Variants in ADAMTSL3 observed in about 807,000 individuals in gnomAD.
The protein encoded by ADAMTSL3 is ADAMTS like 3.
ADAMTSL3 carries 128 observed loss-of-function variants against 201.7 expected under a neutral mutation model. The ratio of observed to expected loss-of-function variants is 0.63; its 90% CI spans 0.55 to 0.73. The LOEUF (loss-of-function observed/expected upper bound fraction) is 0.73, where lower values mean the gene tolerates loss of function less well. ADAMTSL3 is among the 30% of genes least tolerant of loss of function. The pLI is 0.00. For missense variants in ADAMTSL3, 1,990 were observed against 2,119.6 expected (o/e 0.94, Z 1.20); for synonymous variants, 738 against 748.4 (o/e 0.99, Z 0.23).
intron 5 of ADAMTSL3, among the ~76,000 whole-genome samples, chr15:83,819,165 G>A (rs183635880): frequency 2.1e-4 from 32 of 148,952 alleles, no homozygotes; most frequent in African/African-American, 7.8e-4. Flanking sequence ...AGCTACTCAG[G>A]GGGGCTGAAG....
chr15:83,668,871 C>T (rs1033902025), intron 2 of ADAMTSL3, among the ~76,000 whole-genome samples: 1 of 152,120 alleles, frequency 6.6e-6, no homozygotes, highest in Non-Finnish European at 1.5e-5. Flanking sequence ...AAGAGACTAA[C>T]CAGAACATAT....
At position 83,655,747 on chromosome 15, in the gene ADAMTSL3, A is replaced by C; in HGVS notation, c.-15A>C. 1 of 1,613,846 alleles carries C rather than the reference A, an allele frequency of 6.2e-7. No individual in the cohort carries two copies. Among genetic ancestry groups the C allele is most frequent in the Non-Finnish European group, 8.5e-7 (1 of 1,179,800 alleles). ...TTTGTAGGCTACAACTGAGACCCGG[A>C]GGAGACTAGACCCCATGGCTTCCTG... On this transcript the variant is annotated 5_prime_UTR_variant, in exon 2 of 30. Coordinates refer to ENST00000286744, the MANE Select transcript of ADAMTSL3 (RefSeq NM_207517.3).
At chr15:83,685,550 G>T (rs895888230) in intron 2 of ADAMTSL3, among the ~76,000 whole-genome samples, 1 of 152,176 alleles carries the variant, frequency 6.6e-6, no homozygotes, top group East Asian at 1.9e-4. Flanking sequence ...ATGCCACAAA[G>T]ATTTCCTCTT....
In ADAMTSL3 at chr15:83,943,018, C is replaced by T. The variant is rs370505336; in HGVS notation, c.2426C>T (p.Ser809Leu). Residue 809 changes from serine (S) to leucine (L), a missense_variant, in exon 19 of 30, where the codon TCG becomes TTG. Physicochemically the swap from Ser to Leu is moderately radical, Grantham distance 145. Transcript: ENST00000286744. The part of the protein sequence containing the change: ...SDELCQGPKA[S>L]SHKSCARTDC... ...GAATTGTGCCAAGGACCCAAGGCAT[C>T]GTCTCACAAGTCCTGTGCCAGGACA... The T allele has an allele frequency of 1.4e-5, 23 of 1,613,996 alleles. No homozygotes were observed. Among genetic ancestry groups the T allele is most frequent in the African/African-American group, 6.7e-5 (5 of 74,936 alleles).
At chr15:83,899,546 G>C in intron 14 of ADAMTSL3, 101 bp from the exon 15 acceptor site, 1 of 1,166,752 alleles carries the variant, frequency 8.6e-7, no homozygotes, top group Non-Finnish European at 1.2e-6. Flanking sequence ...TGAAAAACAT[G>C]ACCTCTTTAT....
At chr15:83,756,326 G>A (rs73437226) in intron 3 of ADAMTSL3, among the ~76,000 whole-genome samples, 36 of 152,276 alleles carry the variant, frequency 2.4e-4, no homozygotes, top group African/African-American at 7.7e-4. Context: ...ACATGTCTGG[G>A]GAGGCCTCAT....
chr15:83,969,624 T>A (rs2067155652), intron 19 of ADAMTSL3, among the ~76,000 whole-genome samples: 1 of 152,144 alleles, frequency 6.6e-6, no homozygotes, highest in Admixed American at 6.5e-5. Context: ...AATAAGCCAG[T>A]TAGGGAAAAA....
intron 8 of ADAMTSL3, among the ~76,000 whole-genome samples, chr15:83,870,014 G>A (rs2065052607): frequency 6.6e-6 from 1 of 152,174 alleles, no homozygotes; most frequent in Admixed American, 6.6e-5. Flanking sequence ...AGAAAAGAAA[G>A]AGGGAGGAAA....
At chr15:83,679,789 A>G (rs1409531296) in intron 2 of ADAMTSL3, among the ~76,000 whole-genome samples, 1 of 152,198 alleles carries the variant, frequency 6.6e-6, no homozygotes, top group East Asian at 1.9e-4. Context: ...GGAGAGGAGC[A>G]CCGCCTGCCA....
At chr15:83,772,637 A>G (rs1053572645) in intron 3 of ADAMTSL3, among the ~76,000 whole-genome samples, 5 of 151,784 alleles carry the variant, frequency 3.3e-5, no homozygotes, top group East Asian at 1.9e-4. Flanking sequence ...TCCTTATGCA[A>G]GGTTTCTTGG....
chr15:83,899,730 A>G lies in ADAMTSL3; in HGVS notation c.1699A>G (p.Thr567Ala). 1 of 1,610,390 alleles carries G rather than the reference A, an allele frequency of 6.2e-7. No homozygotes were observed. Among genetic ancestry groups the G allele is most frequent in the Non-Finnish European group, 8.5e-7 (1 of 1,177,766 alleles). ...GACCAGAATAGCAACAGAAGAACCA[A>G]CGTGAGTCCAGGACCTTTTGTAGGA... is the stretch of plus-strand genomic sequence containing the variant. The part of the protein sequence containing the change: ...EETRIATEEP[T>A]FIPEPWSACS... The change falls in exon 15 of 30, where the codon ACG (threonine) becomes GCG (alanine). Residue 567 changes from threonine (T) to alanine (A), a missense_variant and splice_region_variant. Physicochemically the swap from Thr to Ala is moderately conservative, Grantham distance 58. Transcript: ENST00000286744.
At chr15:83,732,376 A>G (rs1183177680) in intron 3 of ADAMTSL3, among the ~76,000 whole-genome samples, 2 of 152,124 alleles carry the variant, frequency 1.3e-5, no homozygotes, top group African/African-American at 4.8e-5. Context: ...ATTCTGTCAG[A>G]TAAGTGAGTC....
chr15:83,801,667 T>TAAATATAAATATAA (rs1567154117), intron 4 of ADAMTSL3, among the ~76,000 whole-genome samples: 1 of 61,546 alleles, frequency 1.6e-5, no homozygotes, highest in African/African-American at 4.9e-5. Flanking sequence ...TATATATATA[T>TAAATATAAATATAA]ATATATATAT....
Position 83,892,487 on chromosome 15 carries a change from G to A in ADAMTSL3, c.1263-197G>A, listed in dbSNP as rs188027261. On this transcript the variant is annotated intron_variant, in intron 12 of 29. Coordinates refer to ENST00000286744, the MANE Select transcript of ADAMTSL3 (RefSeq NM_207517.3). ...AGAGGTTGCAGTGAGCCAAGATTGC[G>A]CCATTGCACTCCAGCCTGGGTGACA... is the stretch of plus-strand genomic sequence containing the variant. 4.6e-5 allele frequency among the ~76,000 whole-genome samples: 7 copies of A among 152,138 alleles called. No homozygotes were observed. The East Asian group carries it at 1.2e-3, about 25-fold the overall frequency.
At position 83,874,663 on chromosome 15, in the gene ADAMTSL3, G is replaced by A. The variant is rs538243226; in HGVS notation, c.960+3704G>A. On this transcript the variant is annotated intron_variant, in intron 9 of 29. Transcript: ENST00000286744. ...AGCCGATGGTCTCCCTAGATGCAGAGCTCTAAAGCCAGCCAAGGATTGGAT... is the reference window on the plus strand; with the variant it reads ...AGCCGATGGTCTCCCTAGATGCAGAACTCTAAAGCCAGCCAAGGATTGGAT... 1.7e-4 allele frequency among the ~76,000 whole-genome samples: 24 copies of A among 143,758 alleles called. 2 individuals carry two copies. The highest frequency in any genetic ancestry group is 6.4e-4 in the African/African-American group (24 of 37,382). The allele number at this position is 143,758 out of a possible 152,430, so 94.3% of individuals were successfully genotyped here.
chr15:83,738,324 G>C (rs2062400088), intron 3 of ADAMTSL3, among the ~76,000 whole-genome samples: 1 of 152,170 alleles, frequency 6.6e-6, no homozygotes, highest in African/African-American at 2.4e-5. Context: ...GGAAGCCAAT[G>C]TTATTAATTC....
chr15:83,758,941 G>A (rs2062764666), intron 3 of ADAMTSL3, among the ~76,000 whole-genome samples: 1 of 152,116 alleles, frequency 6.6e-6, no homozygotes, highest in African/African-American at 2.4e-5. Context: ...ATAGGGCTTA[G>A]GCAGTTGTAA....
intron 28 of ADAMTSL3, among the ~76,000 whole-genome samples, chr15:84,034,166 G>A (rs2068457869): frequency 1.3e-5 from 2 of 152,050 alleles, no homozygotes; most frequent in Non-Finnish European, 2.9e-5. Flanking sequence ...GAGCTGTCGA[G>A]GGTTTCTTCT....
At chr15:83,707,307 A>C (rs1386871247) in intron 3 of ADAMTSL3, among the ~76,000 whole-genome samples, 1 of 152,194 alleles carries the variant, frequency 6.6e-6, no homozygotes, top group Non-Finnish European at 1.5e-5. Context: ...ATAAGCATTT[A>C]ATTTAGCTAT....
Sources: gnomAD v4.1 joint callset for allele counts (sites outside exome capture counted in the v4.1 genomes callset) on GRCh38, gnomAD v4.1.1 for gene constraint, MANE v1.5 for transcripts, NCBI Gene and HGNC (gene_info 2026-07-23, HGNC 2026-07-21) for gene names.